Variants in CSMD1 observed in about 807,000 individuals in gnomAD.
CSMD1 encodes CUB and Sushi multiple domains 1.
CSMD1 carries 213 observed loss-of-function variants against 417.5 expected under a neutral mutation model. The ratio of observed to expected loss-of-function variants is 0.51; its 90% confidence interval spans 0.46 to 0.57. The LOEUF (loss-of-function observed/expected upper bound fraction) is 0.57. Ranked by LOEUF, CSMD1 falls within the 20% of genes least tolerant of loss-of-function variation. The pLI is 0.00. For synonymous variants in CSMD1, 2,862 were observed against 1,736.8 expected (o/e 1.65, Z -16.11); for missense variants, 6,923 against 4,529.7 (o/e 1.53, Z -15.17).
At chr8:4,137,879 A>C (rs1379841382) in intron 3 of CSMD1, among the ~76,000 whole-genome samples, 1 of 151,090 alleles carries the variant, frequency 6.6e-6, no homozygotes, top group East Asian at 1.9e-4. Context: ...TTTTTTAATT[A>C]ATTTATTTAT....
intron 1 of CSMD1, among the ~76,000 whole-genome samples, chr8:4,791,246 G>C (rs1272470980): frequency 6.6e-6 from 1 of 152,194 alleles, no homozygotes; most frequent in African/African-American, 2.4e-5. Flanking sequence ...GCCTGGGGTT[G>C]CAGGGGCTTT....
chr8:4,280,470 G>A (rs896975131), intron 3 of CSMD1, among the ~76,000 whole-genome samples: 2 of 152,138 alleles, frequency 1.3e-5, no homozygotes, highest in Non-Finnish European at 2.9e-5. Flanking sequence ...ATACATCACT[G>A]TTTCAGTATA....
chr8:4,806,819 G>C (rs1233334129), intron 1 of CSMD1, among the ~76,000 whole-genome samples: 1 of 152,072 alleles, frequency 6.6e-6, no homozygotes, highest in African/African-American at 2.4e-5. Flanking sequence ...TGAATTTGAG[G>C]GAAGCAGTAA....
At chr8:3,859,907 G>A (rs1804578058) in intron 5 of CSMD1, among the ~76,000 whole-genome samples, 6 of 152,144 alleles carry the variant, frequency 3.9e-5, no homozygotes. Flanking sequence ...TTCTTCTTCT[G>A]TAATAAGCTA....
At chr8:4,146,593 CATTTTTTTTTTTTTTTTTT>C (rs1804146990) in intron 3 of CSMD1, among the ~76,000 whole-genome samples, 2 of 90,764 alleles carry the variant, frequency 2.2e-5, no homozygotes, top group South Asian at 7.2e-4. Context: ...TATATGGACA[CATTTTTTTTTTTTTTTTTT>C]TTTTTTTTTT....
chr8:4,141,122 T>C (rs67459790), intron 3 of CSMD1, among the ~76,000 whole-genome samples: 2 of 151,116 alleles, frequency 1.3e-5, no homozygotes, highest in Non-Finnish European at 2.9e-5. Context: ...CACTTACCTA[T>C]GTTTCCTCCA....
chr8:4,211,012 AT>A (rs1481722276), intron 3 of CSMD1, among the ~76,000 whole-genome samples: 1 of 152,214 alleles, frequency 6.6e-6, no homozygotes, highest in Non-Finnish European at 1.5e-5. Context: ...CCACAATGAA[AT>A]AAAAGTTTCA....
chr8:3,999,338 A>G (rs529030604), intron 4 of CSMD1, among the ~76,000 whole-genome samples: 1 of 152,160 alleles, frequency 6.6e-6, no homozygotes, highest in East Asian at 1.9e-4. Context: ...CATATCTTCG[A>G]CCCTACCCAC....
intron 49 of CSMD1, among the ~76,000 whole-genome samples, chr8:3,058,144 T>C (rs1415996439): frequency 6.6e-6 from 1 of 152,202 alleles, no homozygotes; most frequent in Non-Finnish European, 1.5e-5. Context: ...CTCATCTGAT[T>C]GGTAGTGCTA....
At chr8:3,970,169 G>A (rs1484543740) in intron 5 of CSMD1, among the ~76,000 whole-genome samples, 1 of 150,454 alleles carries the variant, frequency 6.6e-6, no homozygotes, top group Non-Finnish European at 1.5e-5. Flanking sequence ...TTTGGCAGTT[G>A]AATAGGAACC....
intron 3 of CSMD1, among the ~76,000 whole-genome samples, chr8:4,205,480 C>T (rs182176135): frequency 2.0e-4 from 30 of 152,244 alleles, no homozygotes; most frequent in African/African-American, 6.5e-4. Flanking sequence ...CAATTTAGTT[C>T]TACAAACAAG....
At chr8:4,702,848 G>C (rs1209810954) in intron 1 of CSMD1, among the ~76,000 whole-genome samples, 2 of 152,024 alleles carry the variant, frequency 1.3e-5, no homozygotes, top group African/African-American at 4.8e-5. Context: ...TTCTTTAATG[G>C]ATAACATTAT....
At chr8:4,012,322 G>C (rs1256831131) in intron 4 of CSMD1, among the ~76,000 whole-genome samples, 1 of 152,070 alleles carries the variant, frequency 6.6e-6, no homozygotes, top group Non-Finnish European at 1.5e-5. Context: ...CCTTGGTAGG[G>C]TGTCCAAGAT....
At chr8:3,001,331 T>C (rs1478316800) in intron 52 of CSMD1, among the ~76,000 whole-genome samples, 1 of 152,140 alleles carries the variant, frequency 6.6e-6, no homozygotes, top group Non-Finnish European at 1.5e-5. Flanking sequence ...TCTGCCTCTT[T>C]ACTGCTCTCA....
At chr8:4,891,760 T>C (rs775589802) in intron 1 of CSMD1, among the ~76,000 whole-genome samples, 1 of 152,130 alleles carries the variant, frequency 6.6e-6, no homozygotes, top group Non-Finnish European at 1.5e-5. Context: ...CAAAACTCCC[T>C]AGTTATTTCA....
At chr8:4,094,600 G>A (rs897229618) in intron 3 of CSMD1, among the ~76,000 whole-genome samples, 5 of 152,284 alleles carry the variant, frequency 3.3e-5, no homozygotes, top group Admixed American at 2.6e-4. Context: ...CTGTGCTTGT[G>A]TAGGTCAGAG....
intron 5 of CSMD1, among the ~76,000 whole-genome samples, chr8:3,795,149 T>G (rs1799987136): frequency 1.8e-5 from 1 of 57,016 alleles, no homozygotes; most frequent in African/African-American, 6.1e-5. Context: ...ATATCTATCA[T>G]GTACAGCTAT....
chr8:4,914,298 C>A (rs533224987), intron 1 of CSMD1, among the ~76,000 whole-genome samples: 1 of 152,032 alleles, frequency 6.6e-6, no homozygotes, highest in Non-Finnish European at 1.5e-5. Context: ...AAGATAGGGC[C>A]GGGTGCGGTG....
intron 12 of CSMD1, among the ~76,000 whole-genome samples, chr8:3,453,594 T>G (rs1390663082): frequency 2.0e-5 from 3 of 152,216 alleles, no homozygotes; most frequent in African/African-American, 7.2e-5. Context: ...AGGAGCAGGT[T>G]GTTCAGTTTC....
Sources: gnomAD v4.1 joint callset for allele counts (sites outside exome capture counted in the v4.1 genomes callset) on GRCh38, gnomAD v4.1.1 for gene constraint, MANE v1.5 for transcripts, NCBI Gene and HGNC (gene_info 2026-07-23, HGNC 2026-07-21) for gene names.